KCNT2: variants seen among roughly 807,000 people sequenced by gnomAD.
The protein encoded by KCNT2 is potassium channel subfamily T member 2.
Under a neutral mutation model 153.8 loss-of-function variants are expected in KCNT2, and 67 were observed. The ratio of observed to expected loss-of-function variants is 0.44; its 90% CI spans 0.36 to 0.53. KCNT2 has a LOEUF of 0.53. Among genes scored for constraint, KCNT2 ranks in the 20% least tolerant of loss-of-function variants. The pLI is 0.00. For missense variants in KCNT2, 975 were observed against 1,354.8 expected, an observed-to-expected ratio of 0.72 and a Z score of 4.40; for synonymous variants, 500 against 458.8, an observed-to-expected ratio of 1.09 and a Z score of -1.15.
At chr1:196,349,385 C>T (rs1666423424) in intron 14 of KCNT2, among the ~76,000 whole-genome samples, 1 of 152,138 alleles carries the variant, frequency 6.6e-6, no homozygotes, top group South Asian at 2.1e-4. Context: ...AAGCTCCAAT[C>T]TTACCAGCTC....
At chr1:196,513,025 G>T (rs1681760991) in intron 1 of KCNT2, among the ~76,000 whole-genome samples, 2 of 151,988 alleles carry the variant, frequency 1.3e-5, no homozygotes, top group Admixed American at 1.3e-4. Flanking sequence ...GAAAAAGGAG[G>T]TACTCTGATC....
intron 26 of KCNT2, among the ~76,000 whole-genome samples, chr1:196,239,815 C>T (rs1026952570): frequency 3.3e-5 from 5 of 151,722 alleles, no homozygotes; most frequent in African/African-American, 1.2e-4. Flanking sequence ...GAGATAGAGC[C>T]TCAAAAACTA....
chr1:196,475,565 G>A (rs146445870), intron 5 of KCNT2, among the ~76,000 whole-genome samples: 2 of 151,726 alleles, frequency 1.3e-5, no homozygotes, highest in African/African-American at 2.4e-5. Context: ...AGACAATCAC[G>A]CCACTGCACT....
chr1:196,575,972 T>A lies in KCNT2; in HGVS notation c.95+32243A>T, dbSNP rs143188834. Among the ~76,000 whole-genome samples the A allele has an allele frequency of 4.2e-3, 245 of 58,378 alleles. 7 individuals carry two copies. In the East Asian group the frequency reaches 0.13, roughly 31 times the overall value. 38.3% of individuals were successfully genotyped at this position (58,378 alleles called of 152,430 possible). A position where few individuals can be genotyped will look rare whatever the true frequency, so the allele number is the denominator to read the frequency against. On this transcript the variant is annotated intron_variant, in intron 1 of 27. Coordinates refer to ENST00000294725, the MANE Select transcript of KCNT2 (RefSeq NM_198503.5). ...CAGCCCAGGCAACAGAGTGAGACCC[T>A]GTCTAAAAAAAAAAAAAAAAAATTG...
chr1:196,563,599 G>A (rs1659716703), intron 1 of KCNT2, among the ~76,000 whole-genome samples: 2 of 151,672 alleles, frequency 1.3e-5, no homozygotes. Context: ...AATATGTATG[G>A]TTAATATAAA....
chr1:196,382,672 G>A (rs1418500708), intron 13 of KCNT2, among the ~76,000 whole-genome samples: 1 of 152,044 alleles, frequency 6.6e-6, no homozygotes, highest in African/African-American at 2.4e-5. Flanking sequence ...AGCAATAAGT[G>A]AACATAAATT....
intron 26 of KCNT2, among the ~76,000 whole-genome samples, chr1:196,254,828 A>G (rs993575767): frequency 6.6e-6 from 1 of 151,658 alleles, no homozygotes; most frequent in Non-Finnish European, 1.5e-5. Flanking sequence ...TCATTATTTT[A>G]GGCAAATTAT....
At chr1:196,541,390 A>G (rs1656345649) in intron 1 of KCNT2, among the ~76,000 whole-genome samples, 1 of 151,504 alleles carries the variant, frequency 6.6e-6, no homozygotes, top group South Asian at 2.1e-4. Flanking sequence ...TACAACCTAT[A>G]AACTAAGATA....
At position 196,471,888 on chromosome 1, in the gene KCNT2, A is replaced by T. The variant is rs144199801; in HGVS notation, c.385-2820T>A. The stretch of plus-strand genomic sequence containing the variant: ...CCATTGCCAACATAATAAAATCCAA[A>T]CTCATCACTGTATTATATGAAATTT... On this transcript the variant is annotated intron_variant, in intron 5 of 27. Transcript: ENST00000294725. Among the ~76,000 whole-genome samples, 254 of 152,300 alleles carry T rather than the reference A, an allele frequency of 1.7e-3. 9 individuals are homozygous for T. Among genetic ancestry groups the T allele is most frequent in the Admixed American group, 0.014 (214 of 15,298 alleles).
chr1:196,485,092 C>T (rs1284887910), intron 3 of KCNT2, among the ~76,000 whole-genome samples: 2 of 151,944 alleles, frequency 1.3e-5, no homozygotes, highest in African/African-American at 2.4e-5. Flanking sequence ...GTGGTACATA[C>T]ACATCATGGA....
At chr1:196,593,869 T>C (rs1238758410) in intron 1 of KCNT2, among the ~76,000 whole-genome samples, 1 of 152,138 alleles carries the variant, frequency 6.6e-6, no homozygotes, top group Non-Finnish European at 1.5e-5. Flanking sequence ...ACATACTTTT[T>C]ATTCTTCAAG....
Position 196,467,693 on chromosome 1 carries a change from CT to C in KCNT2, c.543+9del. 1 of 1,544,924 alleles carries C rather than the reference CT, an allele frequency of 6.5e-7. No individual in the cohort carries two copies. The highest frequency in any genetic ancestry group is 8.9e-7 in the Non-Finnish European group (1 of 1,120,836). On this transcript the variant is annotated intron_variant, in intron 7 of 27. Transcript: ENST00000294725. ...ATATTTTCATATTTGCACTTTAATT[CT>C]ATACTTACAATCATATTTTCCAAGG...
intron 23 of KCNT2, among the ~76,000 whole-genome samples, chr1:196,284,224 C>G: frequency 5.2e-5 from 1 of 19,222 alleles, no homozygotes; most frequent in African/African-American, 1.2e-4. Context: ...GAGCAAGACT[C>G]TGTCTTAAAA....
At position 196,508,189 on chromosome 1, in the gene KCNT2, CAAAAAAAA is replaced by C. The variant is rs10539910; in HGVS notation, c.96-15856_96-15849del. ...TCTTTTTAAATGGTTCCCTAAGTAG[CAAAAAAAA>C]AAAAAAAAAAAAAAAAGTAAAGAAA... On this transcript the variant is annotated intron_variant, in intron 1 of 27. Transcript: ENST00000294725. 8.0e-3 allele frequency among the ~76,000 whole-genome samples: 483 copies of C among 60,044 alleles called. 2 individuals carry two copies. The highest frequency in any genetic ancestry group is 0.024 in the African/African-American group (355 of 14,658). 39.4% of individuals were successfully genotyped at this position (60,044 alleles called of 152,430 possible). A position where few individuals can be genotyped will look rare whatever the true frequency, so the allele number is the denominator to read the frequency against.
chr1:196,518,320 G>A (rs886874207), intron 1 of KCNT2, among the ~76,000 whole-genome samples: 9 of 151,940 alleles, frequency 5.9e-5, no homozygotes, highest in African/African-American at 1.7e-4. Context: ...AGCTAAGTAC[G>A]TAGACCAGTG....
rs565979734 is a variant in KCNT2 at position 196,258,600 on chromosome 1, A to G, written c.2911-106T>C. The G allele has an allele frequency of 1.5e-5, 14 of 945,674 alleles. No homozygotes were observed. The South Asian group carries it at 2.2e-4, about 15-fold the overall frequency. 58.6% of individuals were successfully genotyped at this position (945,674 alleles called of 1,614,324 possible). A position where few individuals can be genotyped will look rare whatever the true frequency, so the allele number is the denominator to read the frequency against. The stretch of plus-strand genomic sequence containing the variant: ...ATATATTGTTATATTTCTACTCAGG[A>G]GAGTTTTCACAGAAAGAGCAAAATC... On this transcript the variant is annotated intron_variant, in intron 25 of 27. Coordinates refer to ENST00000294725, the MANE Select transcript of KCNT2 (RefSeq NM_198503.5).
intron 1 of KCNT2, among the ~76,000 whole-genome samples, chr1:196,496,324 C>T (rs952608866): frequency 4.6e-5 from 7 of 151,824 alleles, no homozygotes; most frequent in Admixed American, 3.9e-4. Flanking sequence ...AAAAATTAGC[C>T]GGGCATGGTG....
intron 1 of KCNT2, among the ~76,000 whole-genome samples, chr1:196,582,231 C>A (rs1662147671): frequency 6.6e-6 from 1 of 151,958 alleles, no homozygotes; most frequent in Non-Finnish European, 1.5e-5. Context: ...TTTGTAATCA[C>A]CAACGGATTA....
chr1:196,533,275 T>C (rs150232052), intron 1 of KCNT2, among the ~76,000 whole-genome samples: 2,654 of 152,198 alleles, frequency 0.017, 33 homozygotes, highest in Non-Finnish European at 0.028. Flanking sequence ...CAATAATTAT[T>C]GGCCTTCTTA....
Sources: allele counts gnomAD v4.1 joint callset (sites outside exome capture counted in the v4.1 genomes callset), GRCh38; gene constraint gnomAD v4.1.1; transcripts MANE v1.5; gene names NCBI Gene and HGNC (gene_info 2026-07-23, HGNC 2026-07-21).